The following DACH1 variants were observed in gnomAD, a reference collection of about 807,000 sequenced individuals.
The protein encoded by DACH1 is dachshund homolog 1.
DACH1 carries 12 observed loss-of-function variants against 54.2 expected under a neutral mutation model. The observed-to-expected ratio is 0.22, with a 90% confidence interval of 0.14 to 0.36. The LOEUF (loss-of-function observed/expected upper bound fraction) is 0.36, where lower values mean the gene tolerates loss of function less well. DACH1 is among the 10% of genes least tolerant of loss of function. DACH1 has a pLI of 1.00. For synonymous variants in DACH1, 386 were observed against 366.2 expected, an observed-to-expected ratio of 1.05 and a Z score of -0.62; for missense variants, 805 against 929.8, an observed-to-expected ratio of 0.87 and a Z score of 1.75.
At chr13:71,513,755 T>C (rs1184521379) in intron 6 of DACH1, among the ~76,000 whole-genome samples, 1 of 152,078 alleles carries the variant, frequency 6.6e-6, no homozygotes, top group Non-Finnish European at 1.5e-5. Context: ...TTTTTATTCT[T>C]TTGTGAACAT....
At chr13:71,541,934 T>TG (rs1883155205) in intron 6 of DACH1, among the ~76,000 whole-genome samples, 1 of 149,340 alleles carries the variant, frequency 6.7e-6, no homozygotes, top group Non-Finnish European at 1.5e-5. Context: ...AGTTTTTTTT[T>TG]TTTTTTTTTT....
In DACH1 at chr13:71,440,117, G is replaced by A. The variant is rs1295271644; in HGVS notation, c.*538C>T. On this transcript the variant is annotated 3_prime_UTR_variant, in exon 11 of 11. Transcript: ENST00000613252. ...TTCTTCAGGAGAAAACCCACAATTA[G>A]AGAGTTTGAAATTGAATGTAACAGA... 2 of 151,856 alleles carry A rather than the reference G, an allele frequency of 1.3e-5. No homozygotes were observed. Among genetic ancestry groups the A allele is most frequent in the African/African-American group, 4.8e-5 (2 of 41,318 alleles). 9.4% of individuals were successfully genotyped at this position (151,856 alleles called of 1,614,324 possible). A position where few individuals can be genotyped will look rare whatever the true frequency, so the allele number is the denominator to read the frequency against.
chr13:71,634,469 T>C (rs1877327883), intron 2 of DACH1, among the ~76,000 whole-genome samples: 1 of 152,124 alleles, frequency 6.6e-6, no homozygotes, highest in South Asian at 2.1e-4. Context: ...CTTCATTCCT[T>C]CTTTTAAGTC....
intron 1 of DACH1, among the ~76,000 whole-genome samples, chr13:71,781,134 T>C (rs1013298581): frequency 6.6e-6 from 1 of 151,842 alleles, no homozygotes. Context: ...GATTTTGTTA[T>C]GGTAAGTTTG....
intron 3 of DACH1, among the ~76,000 whole-genome samples, chr13:71,575,536 T>C (rs1315388435): frequency 1.3e-5 from 2 of 152,066 alleles, no homozygotes; most frequent in Non-Finnish European, 2.9e-5. Flanking sequence ...CTCATATCAG[T>C]AGAGATGCAC....
Position 71,764,064 on chromosome 13 carries a change from T to C in DACH1, c.849-82154A>G, listed in dbSNP as rs1189308566. ...AGGGTTTATGACACTAAAATATGGG[T>C]GATATAAGAAAGAATATCATTATCA... On this transcript the variant is annotated intron_variant, in intron 1 of 10. Coordinates refer to ENST00000613252, the MANE Select transcript of DACH1 (RefSeq NM_080759.6). 2.0e-5 allele frequency among the ~76,000 whole-genome samples: 3 copies of C among 152,176 alleles called. No individual in the cohort carries two copies. The East Asian group carries it at 5.8e-4, about 29-fold the overall frequency.
chr13:71,564,440 T>C (rs1043855314), intron 4 of DACH1, among the ~76,000 whole-genome samples: 1 of 124,058 alleles, frequency 8.1e-6, no homozygotes, highest in Non-Finnish European at 1.8e-5. Flanking sequence ...GCCACAATAA[T>C]AAATGAAAAT....
At position 71,602,897 on chromosome 13, in the gene DACH1, A is replaced by G. The variant is rs549164502; in HGVS notation, c.1126+27659T>C. ...AAATGGAGATCATATGCTGTGAGTT[A>G]ATAATACAATACACAATGTTTTCAT... is the stretch of plus-strand genomic sequence containing the variant. On this transcript the variant is annotated intron_variant, in intron 3 of 10. Coordinates refer to ENST00000613252, the MANE Select transcript of DACH1 (RefSeq NM_080759.6). Among the ~76,000 whole-genome samples the G allele has an allele frequency of 3.3e-5, 5 of 152,072 alleles. No individual in the cohort carries two copies. The South Asian group carries it at 8.3e-4, about 25-fold the overall frequency.
intron 1 of DACH1, among the ~76,000 whole-genome samples, chr13:71,811,581 C>T (rs1488624111): frequency 6.6e-6 from 1 of 152,068 alleles, no homozygotes; most frequent in South Asian, 2.1e-4. Flanking sequence ...TAACTCAACA[C>T]GAGGAAACTA....
chr13:71,648,606 T>C (rs553795953), intron 2 of DACH1, among the ~76,000 whole-genome samples: 1 of 152,316 alleles, frequency 6.6e-6, no homozygotes, highest in East Asian at 1.9e-4. Context: ...ATATGGGTTT[T>C]GAAGACTAAG....
At chr13:71,467,429 G>A (rs1259329805) in intron 10 of DACH1, among the ~76,000 whole-genome samples, 2 of 150,582 alleles carry the variant, frequency 1.3e-5, no homozygotes, top group Non-Finnish European at 3.0e-5. Flanking sequence ...CAGCACACCA[G>A]CATGGCCATG....
At chr13:71,690,641 C>G (rs1303305957) in intron 1 of DACH1, among the ~76,000 whole-genome samples, 1 of 152,108 alleles carries the variant, frequency 6.6e-6, no homozygotes, top group Non-Finnish European at 1.5e-5. Context: ...ATATTAAAAC[C>G]TATTCCAAGC....
intron 1 of DACH1, among the ~76,000 whole-genome samples, chr13:71,855,279 A>C (rs1332446866): frequency 2.6e-5 from 4 of 152,078 alleles, no homozygotes; most frequent in Non-Finnish European, 5.9e-5. Context: ...TCAATTTCAA[A>C]ACCCGATGAT....
intron 4 of DACH1, among the ~76,000 whole-genome samples, chr13:71,571,628 T>C (rs1215291728): frequency 6.6e-6 from 1 of 152,084 alleles, no homozygotes; most frequent in Non-Finnish European, 1.5e-5. Flanking sequence ...CTACAGAAAA[T>C]GACCAAAGCA....
intron 7 of DACH1, among the ~76,000 whole-genome samples, chr13:71,482,216 C>G (rs1878101898): frequency 6.6e-6 from 1 of 151,808 alleles, no homozygotes; most frequent in East Asian, 1.9e-4. Context: ...TTATTTTCAT[C>G]ATTTTTTAGA....
chr13:71,543,202 C>T (rs748890455), intron 6 of DACH1, among the ~76,000 whole-genome samples: 47 of 152,188 alleles, frequency 3.1e-4, no homozygotes, highest in Middle Eastern at 6.8e-3. Context: ...AGGTTCACTA[C>T]AAGAAATGCA....
intron 1 of DACH1, among the ~76,000 whole-genome samples, chr13:71,833,934 G>T (rs1322339048): frequency 2.0e-5 from 3 of 151,860 alleles, no homozygotes; most frequent in Non-Finnish European, 4.4e-5. Flanking sequence ...CCCTATCTAG[G>T]GTTGGAACTA....
chr13:71,816,606 GTATATA>G (rs1439517004), intron 1 of DACH1, among the ~76,000 whole-genome samples: 2 of 87,246 alleles, frequency 2.3e-5, no homozygotes, highest in Non-Finnish European at 5.0e-5. Flanking sequence ...ACATATGTGT[GTATATA>G]TATACACGTG....
chr13:71,607,319 T>C (rs906847727), intron 3 of DACH1, among the ~76,000 whole-genome samples: 1 of 152,028 alleles, frequency 6.6e-6, no homozygotes, highest in Non-Finnish European at 1.5e-5. Context: ...GTATACAGGC[T>C]TATTATTGTT....
Sources: allele counts gnomAD v4.1 joint callset (sites outside exome capture counted in the v4.1 genomes callset), GRCh38; gene constraint gnomAD v4.1.1; transcripts MANE v1.5; gene names NCBI Gene and HGNC (gene_info 2026-07-23, HGNC 2026-07-21).